C1GALT1: variants seen among roughly 807,000 people sequenced by gnomAD.
The protein encoded by C1GALT1 is core 1 synthase, glycoprotein-N-acetylgalactosamine 3-beta-galactosyltransferase 1.
C1GALT1 carries 11 observed loss-of-function variants against 31.0 expected under a neutral mutation model. The observed-to-expected ratio is 0.36, with a 90% CI of 0.22 to 0.59. The LOEUF is 0.59. Among genes scored for constraint, C1GALT1 ranks in the 20% least tolerant of loss-of-function variants. The pLI is 0.79. For missense variants in C1GALT1, 424 were observed against 425.2 expected (o/e 1.00, Z 0.03); for synonymous variants, 175 against 143.6 (o/e 1.22, Z -1.56).
intron 2 of C1GALT1, among the ~76,000 whole-genome samples, chr7:7,174,231 G>C (rs999036982): frequency 2.0e-5 from 3 of 152,166 alleles, no homozygotes; most frequent in African/African-American, 7.2e-5. Context: ...AGCCACACTA[G>C]GTGTTAGGGC....
At chr7:7,215,967 TTCCCTGAAAG>T (rs1273120760) in intron 1 of C1GALT1, among the ~76,000 whole-genome samples, 1 of 152,082 alleles carries the variant, frequency 6.6e-6, no homozygotes, top group Admixed American at 6.5e-5. Context: ...CCTAGATGAT[TTCCCTGAAAG>T]TTACTTTTTT....
intron 2 of C1GALT1, among the ~76,000 whole-genome samples, chr7:7,176,281 T>G (rs1042907282): frequency 2.0e-5 from 3 of 151,806 alleles, no homozygotes; most frequent in African/African-American, 7.3e-5. Flanking sequence ...AAATACAACT[T>G]GAAATAAGAA....
chr7:7,190,834 AAGTTT>A (rs1377770786), intron 1 of C1GALT1, among the ~76,000 whole-genome samples: 1 of 152,114 alleles, frequency 6.6e-6, no homozygotes, highest in African/African-American at 2.4e-5. Context: ...TATTGGTCCA[AAGTTT>A]TAGAATACTT....
intron 2 of C1GALT1, among the ~76,000 whole-genome samples, chr7:7,166,316 G>A (rs1211050345): frequency 5.9e-5 from 9 of 152,056 alleles, no homozygotes; most frequent in African/African-American, 2.2e-4. Flanking sequence ...GAATATTACT[G>A]AACAATAAAA....
intron 2 of C1GALT1, among the ~76,000 whole-genome samples, chr7:7,159,027 T>C (rs1583725084): frequency 1.3e-5 from 2 of 152,172 alleles, no homozygotes; most frequent in African/African-American, 2.4e-5. Context: ...TGAAATTATA[T>C]GCAAATAGGG....
chr7:7,183,301 G>A (rs962602669), intron 1 of C1GALT1, among the ~76,000 whole-genome samples: 1 of 152,112 alleles, frequency 6.6e-6, no homozygotes, highest in African/African-American at 2.4e-5. Context: ...ACCTTCGCCG[G>A]GGAGCCACTC....
At chr7:7,235,895 ATCTCTTTTCC>A (rs139456524) in intron 2 of C1GALT1, among the ~76,000 whole-genome samples, 390 of 152,140 alleles carry the variant, frequency 2.6e-3, no homozygotes, top group African/African-American at 9.1e-3. Context: ...ACCATTTTTC[ATCTCTTTTCC>A]TCTCAGTCCT....
intron 1 of C1GALT1, among the ~76,000 whole-genome samples, chr7:7,231,585 A>G (rs1418042701): frequency 2.0e-5 from 3 of 152,030 alleles, no homozygotes; most frequent in Admixed American, 6.6e-5. Context: ...AGCTGTGACT[A>G]TTCTATGCCT....
chr7:7,208,808 A>G (rs990690884), intron 1 of C1GALT1, among the ~76,000 whole-genome samples: 3 of 152,220 alleles, frequency 2.0e-5, no homozygotes, highest in Non-Finnish European at 4.4e-5. Context: ...AAACACGTGC[A>G]CAGTTGCCTG....
chr7:7,198,801 G>A (rs537503726), intron 1 of C1GALT1, among the ~76,000 whole-genome samples: 1 of 152,296 alleles, frequency 6.6e-6, no homozygotes, highest in African/African-American at 2.4e-5. Flanking sequence ...ATTTCTTCTA[G>A]ATTTTCTAGT....
chr7:7,178,567 C>T (rs1780531181), upstream of C1GALT1, among the ~76,000 whole-genome samples: 1 of 152,168 alleles, frequency 6.6e-6, no homozygotes. Context: ...GTTCTATTCA[C>T]CATGTTACTT....
chr7:7,178,273 G>A (rs1306747195), upstream of C1GALT1: 3 of 232,362 alleles, frequency 1.3e-5, no homozygotes, highest in Admixed American at 1.2e-4. Context: ...AAATGTTGCA[G>A]AGAGAGTCAT....
At chr7:7,162,067 CT>C (rs66672219) in intron 2 of C1GALT1, among the ~76,000 whole-genome samples, 15,226 of 105,388 alleles carry the variant, frequency 0.14, 826 homozygotes, top group East Asian at 0.32. Context: ...TTCTTCATTT[CT>C]TTTTTTTTTT....
At chr7:7,235,804 A>C (rs1042061260) in intron 2 of C1GALT1, among the ~76,000 whole-genome samples, 1 of 152,202 alleles carries the variant, frequency 6.6e-6, no homozygotes, top group African/African-American at 2.4e-5. Flanking sequence ...TGTGCCAGAA[A>C]TTAAGAAATC....
chr7:7,188,279 A>T (rs1038394971), intron 1 of C1GALT1, among the ~76,000 whole-genome samples: 5 of 152,236 alleles, frequency 3.3e-5, no homozygotes, highest in Non-Finnish European at 7.3e-5. Context: ...TGAATAATTT[A>T]GGTAATTACC....
At chr7:7,224,803 C>T (rs1409672924) in intron 1 of C1GALT1, among the ~76,000 whole-genome samples, 1 of 151,994 alleles carries the variant, frequency 6.6e-6, no homozygotes, top group Admixed American at 6.5e-5. Context: ...GGTACATATA[C>T]AGGTTTGTTA....
At chr7:7,169,689 T>C (rs1780432007) in intron 2 of C1GALT1, among the ~76,000 whole-genome samples, 1 of 152,220 alleles carries the variant, frequency 6.6e-6, no homozygotes, top group African/African-American at 2.4e-5. Flanking sequence ...TTGAGAAGTG[T>C]CTATGCAAGT....
rs2128246338 is a variant in C1GALT1 at position 7,229,120 on chromosome 7, C to T, written c.-17-5183C>T. ...TCTTCTCAGTCACAGTGCTTTCTGC[C>T]TAAGTGGTACTGAATGGCATTGTGA... is the stretch of plus-strand genomic sequence containing the variant. On this transcript the variant is annotated intron_variant, in intron 1 of 3. Coordinates refer to ENST00000436587, the MANE Select transcript of C1GALT1 (RefSeq NM_020156.5). Among the ~76,000 whole-genome samples, 3 of 152,286 alleles carry T rather than the reference C, an allele frequency of 2.0e-5. No individual in the cohort carries two copies. In the South Asian group the frequency reaches 6.2e-4, roughly 32 times the overall value.
intron 1 of C1GALT1, among the ~76,000 whole-genome samples, chr7:7,227,211 T>C (rs1782805610): frequency 1.3e-5 from 2 of 152,204 alleles, no homozygotes; most frequent in Admixed American, 1.3e-4. Context: ...ATGACTAATA[T>C]AATTCCCATT....
Sources: gnomAD v4.1 joint callset for allele counts (sites outside exome capture counted in the v4.1 genomes callset) on GRCh38, gnomAD v4.1.1 for gene constraint, MANE v1.5 for transcripts, NCBI Gene and HGNC (gene_info 2026-07-23, HGNC 2026-07-21) for gene names.